Variants in MRPL50 observed in about 807,000 individuals in gnomAD.
MRPL50 encodes the protein mitochondrial ribosomal protein L50.
A neutral mutation model predicts 16.2 loss-of-function variants in MRPL50; 10 were observed. The observed-to-expected ratio is 0.62, with a 90% CI of 0.38 to 1.05. MRPL50 has a LOEUF of 1.05. Ranked by LOEUF, MRPL50 falls within the 50% of genes least tolerant of loss-of-function variation. The probability of loss-of-function intolerance (pLI) is 0.01; values close to 1 mark genes in which losing one functional copy is unlikely to be tolerated. For missense variants in MRPL50, 213 were observed against 187.1 expected (o/e 1.14, Z -0.81); for synonymous variants, 68 against 66.8 (o/e 1.02, Z -0.09).
rs748393513 is a variant in MRPL50, at chr9:101,390,734, A to T, written c.209T>A (p.Leu70Ter). The T allele has an allele frequency of 6.2e-7, 1 of 1,612,952 alleles. No homozygotes were observed. Among genetic ancestry groups the T allele is most frequent in the Admixed American group, 1.7e-5 (1 of 59,950 alleles). Residue 70 changes from leucine (L) to a stop codon, truncating the protein, a stop_gained, in exon 2 of 2, where the codon TTG becomes TAG. Coordinates refer to ENST00000374865, the MANE Select transcript of MRPL50 (RefSeq NM_019051.3). LOFTEE classifies it high-confidence loss of function. ...YTPPEDLQSR[L>*]ESYVKEVFGS... Reference sequence around the variant, plus strand: ...AAAAACTTCTTTAACGTAAGATTCCAAACGACTCTGGAGATCTTCAGGTGG... The same window carrying T: ...AAAAACTTCTTTAACGTAAGATTCCTAACGACTCTGGAGATCTTCAGGTGG...
At chr9:101,394,432 C>A (rs1034890670) in intron 1 of MRPL50, among the ~76,000 whole-genome samples, 2 of 152,302 alleles carry the variant, frequency 1.3e-5, no homozygotes, top group Non-Finnish European at 2.9e-5. Flanking sequence ...TTGGCAAGAA[C>A]TCACTTAGAC....
At position 101,390,313 on chromosome 9, in the gene MRPL50, G is replaced by GAA; in HGVS notation, c.*151_*152dup. 1.5e-6 allele frequency: 2 copies of GAA among 1,325,736 alleles called. No homozygotes were observed. Among genetic ancestry groups the GAA allele is most frequent in the South Asian group, 2.3e-5 (1 of 43,216 alleles). The allele number at this position is 1,325,736 out of a possible 1,614,324, so 82.1% of individuals were successfully genotyped here. A position where few individuals can be genotyped will look rare whatever the true frequency, so the allele number is the denominator to read the frequency against. Reference sequence around the variant, plus strand: ...CGTTATTTGTCCATTTGTAATATGAGAAAAAAAAAGATGATACATTCCTCT... The same window carrying GAA: ...CGTTATTTGTCCATTTGTAATATGAGAAAAAAAAAAAGATGATACATTCCTCT... On this transcript the variant is annotated 3_prime_UTR_variant, in exon 2 of 2. Transcript: ENST00000374865.
At chr9:101,395,468 G>C (rs1830327386) in intron 1 of MRPL50, among the ~76,000 whole-genome samples, 1 of 152,068 alleles carries the variant, frequency 6.6e-6, no homozygotes, top group Non-Finnish European at 1.5e-5. Context: ...TGTACTCCAT[G>C]TTTATTACAG....
At chr9:101,397,800 G>A (rs1830378740) in intron 1 of MRPL50, among the ~76,000 whole-genome samples, 1 of 152,196 alleles carries the variant, frequency 6.6e-6, no homozygotes, top group South Asian at 2.1e-4. Flanking sequence ...CATACGTTTT[G>A]ATTTCCTAAA....
At chr9:101,393,742 G>T (rs1830303067) in intron 1 of MRPL50, among the ~76,000 whole-genome samples, 1 of 151,552 alleles carries the variant, frequency 6.6e-6, no homozygotes, top group Non-Finnish European at 1.5e-5. Context: ...AGAAGTAAAA[G>T]GTCTCTACAA....
rs565655185 is a variant in MRPL50 at position 101,390,005 on chromosome 9, T to C, written c.*461A>G. The stretch of plus-strand genomic sequence containing the variant: ...CTACTTTAATTCTAAAAGAAATTAA[T>C]CTAGAACTGTCAGTAATACACAACA... On this transcript the variant is annotated 3_prime_UTR_variant, in exon 2 of 2. Transcript: ENST00000374865. 2.2e-6 allele frequency: 2 copies of C among 919,942 alleles called. No individual in the cohort carries two copies. Among genetic ancestry groups the C allele is most frequent in the African/African-American group, 1.8e-5 (1 of 55,676 alleles). 57.0% of individuals were successfully genotyped at this position (919,942 alleles called of 1,614,324 possible).
rs1422128749 is a variant in MRPL50, at chr9:101,387,938, A to G, written c.*2528T>C. On this transcript the variant is annotated 3_prime_UTR_variant, in exon 2 of 2. Transcript: ENST00000374865. ...GCCATTATTCTGATATATTCACTGTATTGAACTATAAACCAGTGATGCCCT... is the reference window on the plus strand; with the variant it reads ...GCCATTATTCTGATATATTCACTGTGTTGAACTATAAACCAGTGATGCCCT... The G allele has an allele frequency of 1.3e-5, 2 of 152,126 alleles. No individual in the cohort carries two copies. The highest frequency in any genetic ancestry group is 4.8e-5 in the African/African-American group (2 of 41,436). The allele number at this position is 152,126 out of a possible 1,614,324, so 9.4% of individuals were successfully genotyped here. A position where few individuals can be genotyped will look rare whatever the true frequency, so the allele number is the denominator to read the frequency against.
chr9:101,390,965 C>T (rs1564062275), intron 1 of MRPL50, 115 bp from the exon 2 acceptor site: 2 of 1,166,826 alleles, frequency 1.7e-6, no homozygotes, highest in South Asian at 3.1e-5. Context: ...CTGGGGACTA[C>T]TGAGAGTAGG....
Position 101,387,958 on chromosome 9 carries a change from T to G in MRPL50, c.*2508A>C, listed in dbSNP as rs993675788. ...ACTGTATTGAACTATAAACCAGTGA[T>G]GCCCTCTAGTGGTACTGATGGACGT... On this transcript the variant is annotated 3_prime_UTR_variant, in exon 2 of 2. Coordinates refer to ENST00000374865, the MANE Select transcript of MRPL50 (RefSeq NM_019051.3). 1.3e-5 allele frequency: 2 copies of G among 152,116 alleles called. No individual in the cohort carries two copies. The highest frequency in any genetic ancestry group is 2.9e-5 in the Non-Finnish European group (2 of 67,992). 9.4% of individuals were successfully genotyped at this position (152,116 alleles called of 1,614,324 possible).
intron 1 of MRPL50, among the ~76,000 whole-genome samples, chr9:101,397,452 T>C (rs1830369792): frequency 6.6e-6 from 1 of 152,218 alleles, no homozygotes; most frequent in Non-Finnish European, 1.5e-5. Context: ...CCTCTAGTTT[T>C]CTTCATAATT....
chr9:101,390,407 G>A lies in MRPL50; in HGVS notation c.*59C>T. 1.3e-6 allele frequency: 2 copies of A among 1,549,094 alleles called. No homozygotes were observed. Among genetic ancestry groups the A allele is most frequent in the Non-Finnish European group, 1.7e-6 (2 of 1,150,368 alleles). The stretch of plus-strand genomic sequence containing the variant: ...ATGGTAAAGTATCAAAAGATCTAAT[G>A]AGCAGCCCCCTTGCTCAGGGAAAGA... On this transcript the variant is annotated 3_prime_UTR_variant, in exon 2 of 2. Transcript: ENST00000374865.
At chr9:101,391,480 G>A (rs1304172654) in intron 1 of MRPL50, among the ~76,000 whole-genome samples, 1 of 151,936 alleles carries the variant, frequency 6.6e-6, no homozygotes, top group Non-Finnish European at 1.5e-5. Context: ...CACAGAAAGT[G>A]AAGAGATGGA....
At chr9:101,398,451 C>T (rs1200285633) in intron 1 of MRPL50, 50 bp downstream of exon 1, 2 of 1,536,942 alleles carry the variant, frequency 1.3e-6, no homozygotes, top group Non-Finnish European at 9.0e-7. Flanking sequence ...CGTCCCTAAT[C>T]CTCCTTAACT....
intron 1 of MRPL50, among the ~76,000 whole-genome samples, chr9:101,395,994 C>T (rs1438698769): frequency 6.6e-6 from 1 of 152,116 alleles, no homozygotes; most frequent in East Asian, 1.9e-4. Flanking sequence ...GATACGTCAA[C>T]TATTCAGATT....
chr9:101,397,315 A>G (rs1376497458), intron 1 of MRPL50, among the ~76,000 whole-genome samples: 3 of 150,182 alleles, frequency 2.0e-5, no homozygotes, highest in African/African-American at 7.3e-5. Context: ...AACAAAACAG[A>G]AAGTATGTGA....
intron 1 of MRPL50, among the ~76,000 whole-genome samples, chr9:101,391,188 C>T (rs138987631): frequency 2.6e-5 from 4 of 152,220 alleles, no homozygotes; most frequent in Admixed American, 6.5e-5. Context: ...CCTACATATA[C>T]TCCATGTGAT....
At position 101,390,206 on chromosome 9, in the gene MRPL50, C is replaced by T; in HGVS notation, c.*260G>A. Reference sequence around the variant, plus strand: ...TCCTCCTGTCTTAAACCCAAGTTGACAGTGCCCTCTCAAAACTTTTCATAA... The same window carrying T: ...TCCTCCTGTCTTAAACCCAAGTTGATAGTGCCCTCTCAAAACTTTTCATAA... On this transcript the variant is annotated 3_prime_UTR_variant, in exon 2 of 2. Transcript: ENST00000374865. 8.5e-7 allele frequency: 1 copy of T among 1,174,136 alleles called. No homozygotes were observed. Among genetic ancestry groups the T allele is most frequent in the Non-Finnish European group, 1.1e-6 (1 of 948,688 alleles). The allele number at this position is 1,174,136 out of a possible 1,614,324, so 72.7% of individuals were successfully genotyped here. A position where few individuals can be genotyped will look rare whatever the true frequency, so the allele number is the denominator to read the frequency against.
At chr9:101,397,282 G>A (rs1256436164) in intron 1 of MRPL50, among the ~76,000 whole-genome samples, 1 of 152,132 alleles carries the variant, frequency 6.6e-6, no homozygotes, top group Admixed American at 6.5e-5. Context: ...GCAACATAGT[G>A]AGAACTCCTT....
chr9:101,395,748 G>A (rs1243800649), intron 1 of MRPL50, among the ~76,000 whole-genome samples: 1 of 151,844 alleles, frequency 6.6e-6, no homozygotes, highest in Non-Finnish European at 1.5e-5. Context: ...ATAAATTGAT[G>A]GTTACCAGAG....
Sources: gnomAD v4.1 joint callset for allele counts (sites outside exome capture counted in the v4.1 genomes callset) on GRCh38, gnomAD v4.1.1 for gene constraint, MANE v1.5 for transcripts, NCBI Gene and HGNC (gene_info 2026-07-23, HGNC 2026-07-21) for gene names.